Variants in ZNF277 observed in about 807,000 individuals in gnomAD.
ZNF277 encodes the protein zinc finger protein 277.
Under a neutral mutation model 60.7 loss-of-function variants are expected in ZNF277, and 55 were observed. The ratio of observed to expected loss-of-function variants is 0.91; its 90% confidence interval spans 0.73 to 1.13. The LOEUF is 1.13. ZNF277 is among the 50% of genes most tolerant of loss of function. The pLI, the probability that ZNF277 is intolerant of heterozygous loss-of-function variation, is 0.00. For missense variants in ZNF277, 510 were observed against 523.0 expected (o/e 0.98, Z 0.24); for synonymous variants, 178 against 179.3 (o/e 0.99, Z 0.06).
At chr7:112,229,146 C>T (rs1184303452) in intron 1 of ZNF277, among the ~76,000 whole-genome samples, 1 of 152,108 alleles carries the variant, frequency 6.6e-6, no homozygotes, top group Admixed American at 6.5e-5. Flanking sequence ...ATTCTTTGAG[C>T]TTATAGTCTA....
intron 1 of ZNF277, among the ~76,000 whole-genome samples, chr7:112,272,981 A>C (rs1467858677): frequency 6.6e-6 from 1 of 152,010 alleles, no homozygotes; most frequent in Non-Finnish European, 1.5e-5. Flanking sequence ...TTTGATTTGC[A>C]TTTCTCTGAT....
Position 112,286,935 on chromosome 7 carries a change from T to G in ZNF277, c.154T>G (p.Leu52Val), listed in dbSNP as rs763035679. 1 of 1,607,654 alleles carries G rather than the reference T, an allele frequency of 6.2e-7. No homozygotes were observed. Among genetic ancestry groups the G allele is most frequent in the South Asian group, 1.1e-5 (1 of 90,872 alleles). Residue 52 changes from leucine (L) to valine (V), a missense_variant, in exon 2 of 12, where the codon TTA becomes GTA. Physicochemically the swap from Leu to Val is conservative, Grantham distance 32 (BLOSUM62 1). Coordinates refer to ENST00000361822, the MANE Select transcript of ZNF277 (RefSeq NM_021994.3). The stretch of plus-strand genomic sequence containing the variant: ...AGAAAGTCCAGGTGGCACCACCACT[T>G]TAGAAGGTTCTCCATCTGTGCCTTG... Reference protein sequence around the residue: ...LPESPGGTTTLEGSPSVPCIF... With the variant: ...LPESPGGTTTVEGSPSVPCIF...
intron 4 of ZNF277, among the ~76,000 whole-genome samples, chr7:112,309,740 G>T (rs1238077635): frequency 3.3e-5 from 5 of 151,866 alleles, no homozygotes; most frequent in Non-Finnish European, 7.4e-5. Context: ...CAAATTGGGG[G>T]TTCCTCAGGA....
At chr7:112,341,155 A>G in intron 11 of ZNF277, 109 bp downstream of exon 11, 1 of 1,078,908 alleles carries the variant, frequency 9.3e-7, no homozygotes, top group African/African-American at 1.6e-5. Context: ...TATTTATTAT[A>G]AAAAGTATAC....
intron 4 of ZNF277, among the ~76,000 whole-genome samples, chr7:112,297,269 A>T (rs910980059): frequency 2.6e-5 from 4 of 152,092 alleles, no homozygotes; most frequent in African/African-American, 4.8e-5. Context: ...GTAATTTTTT[A>T]AATTGTTACT....
rs1282863446 is a variant in ZNF277 at position 112,244,114 on chromosome 7, C to T, written c.91+37307C>T. On this transcript the variant is annotated intron_variant, in intron 1 of 11. Coordinates refer to ENST00000361822, the MANE Select transcript of ZNF277 (RefSeq NM_021994.3). ...GCTAAATAATGTATACTCATGGACACAGAGAGTGGAATAATGGACATTGGA... is the reference window on the plus strand; with the variant it reads ...GCTAAATAATGTATACTCATGGACATAGAGAGTGGAATAATGGACATTGGA... Among the ~76,000 whole-genome samples, 3 of 152,012 alleles carry T rather than the reference C, an allele frequency of 2.0e-5. No homozygotes were observed. The East Asian group carries it at 5.8e-4, about 29-fold the overall frequency.
In ZNF277 at chr7:112,318,170, T is replaced by G. The variant is rs748658394; in HGVS notation, c.466-12T>G. ...ATTAAGATAATACCATAAATCTGTT[T>G]CTACTTTCCAGAGAGAAATTCTGGA... On this transcript the variant is annotated splice_polypyrimidine_tract_variant and intron_variant, in intron 4 of 11. Transcript: ENST00000361822. 4.4e-6 allele frequency: 7 copies of G among 1,606,232 alleles called. No homozygotes were observed. Among genetic ancestry groups the G allele is most frequent in the Non-Finnish European group, 6.0e-6 (7 of 1,172,996 alleles).
At chr7:112,292,477 T>A (rs1792231382) in intron 2 of ZNF277, among the ~76,000 whole-genome samples, 1 of 152,202 alleles carries the variant, frequency 6.6e-6, no homozygotes, top group Admixed American at 6.5e-5. Flanking sequence ...TACTTCTGGT[T>A]CTGCCTTGTC....
intron 5 of ZNF277, among the ~76,000 whole-genome samples, chr7:112,325,227 T>A (rs924687779): frequency 1.3e-5 from 2 of 152,196 alleles, no homozygotes; most frequent in African/African-American, 2.4e-5. Flanking sequence ...CTTGGAATCC[T>A]GGGTAGTCCT....
intron 1 of ZNF277, among the ~76,000 whole-genome samples, chr7:112,263,035 G>A (rs918047856): frequency 2.6e-5 from 4 of 152,130 alleles, no homozygotes; most frequent in Non-Finnish European, 5.9e-5. Context: ...CAGACTTTAT[G>A]GATGCCAGTC....
At chr7:112,318,037 C>G (rs1792879044) in intron 4 of ZNF277, 145 bp from the exon 5 acceptor site, 8 of 623,510 alleles carry the variant, frequency 1.3e-5, no homozygotes, top group Non-Finnish European at 1.7e-5. Flanking sequence ...AATGCAAAAA[C>G]AGGAATGGAG....
At chr7:112,256,099 T>C (rs1006992237) in intron 1 of ZNF277, among the ~76,000 whole-genome samples, 1 of 152,194 alleles carries the variant, frequency 6.6e-6, no homozygotes, top group African/African-American at 2.4e-5. Context: ...TAGCATACCA[T>C]AGGTTTTCAA....
intron 4 of ZNF277, among the ~76,000 whole-genome samples, chr7:112,301,986 T>C (rs537100030): frequency 6.6e-6 from 1 of 152,210 alleles, no homozygotes; most frequent in African/African-American, 2.4e-5. Flanking sequence ...CACTTCAACA[T>C]AAAAAAATCC....
intron 8 of ZNF277, among the ~76,000 whole-genome samples, chr7:112,336,597 G>C (rs538743374): frequency 3.2e-4 from 49 of 152,182 alleles, no homozygotes; most frequent in Admixed American, 9.8e-4. Flanking sequence ...CAGCTTCTTT[G>C]CTTGAAATTA....
chr7:112,338,011 G>A (rs771566852), intron 9 of ZNF277, among the ~76,000 whole-genome samples, 185 bp downstream of exon 9: 3 of 152,204 alleles, frequency 2.0e-5, no homozygotes, highest in Admixed American at 1.3e-4. Context: ...CTGGACCCGA[G>A]TGAGCTGTTT....
rs79434691 is a variant in ZNF277, at chr7:112,275,885, C to G, written c.92-10988C>G. On this transcript the variant is annotated intron_variant, in intron 1 of 11. Coordinates refer to ENST00000361822, the MANE Select transcript of ZNF277 (RefSeq NM_021994.3). ...AAGTTGCTTGAGAAAGGAAGTTTAACCACATTTTCATCATTAGGTAGTTTG... is the reference window on the plus strand; with the variant it reads ...AAGTTGCTTGAGAAAGGAAGTTTAAGCACATTTTCATCATTAGGTAGTTTG... 1.3e-3 allele frequency among the ~76,000 whole-genome samples: 191 copies of G among 152,290 alleles called. 5 individuals are homozygous for G. In the East Asian group the frequency reaches 0.035, roughly 28 times the overall value.
intron 2 of ZNF277, among the ~76,000 whole-genome samples, chr7:112,295,110 A>AAC (rs145892839): frequency 0.059 from 8,945 of 152,180 alleles, 688 homozygotes; most frequent in African/African-American, 0.18. Context: ...CTATGAAGAT[A>AAC]ACACTCTCTT....
intron 1 of ZNF277, among the ~76,000 whole-genome samples, chr7:112,261,469 T>C (rs1343920708): frequency 6.6e-6 from 1 of 152,176 alleles, no homozygotes. Context: ...AGAAAACTGA[T>C]TATTTTATTT....
intron 7 of ZNF277, among the ~76,000 whole-genome samples, chr7:112,334,900 T>A (rs2117137855): frequency 6.6e-6 from 1 of 152,296 alleles, no homozygotes; most frequent in Non-Finnish European, 1.5e-5. Flanking sequence ...TGGTGTTCTG[T>A]AATGAGATTC....
Sources: gnomAD v4.1 joint callset for allele counts (sites outside exome capture counted in the v4.1 genomes callset) on GRCh38, gnomAD v4.1.1 for gene constraint, MANE v1.5 for transcripts, NCBI Gene and HGNC (gene_info 2026-07-23, HGNC 2026-07-21) for gene names.